The following TMEM80 variants were observed in gnomAD, a reference collection of about 807,000 sequenced individuals.
TMEM80 encodes transmembrane protein 80.
A neutral mutation model predicts 13.6 loss-of-function variants in TMEM80; 16 were observed. That is an observed-to-expected ratio of 1.17 (90% CI 0.79 to 1.78). The LOEUF (loss-of-function observed/expected upper bound fraction) is 1.78, where lower values mean the gene tolerates loss of function less well. Ranked by LOEUF, TMEM80 falls within the 40% of genes most tolerant of loss-of-function variation. The pLI, the probability that TMEM80 is intolerant of heterozygous loss-of-function variation, is 0.00. For missense variants in TMEM80, 167 were observed against 184.6 expected, an observed-to-expected ratio of 0.90 and a Z score of 0.55; for synonymous variants, 92 against 89.5, an observed-to-expected ratio of 1.03 and a Z score of -0.16.
At position 703,070 on chromosome 11, in the gene TMEM80, G is replaced by A. The variant is rs372677189; in HGVS notation, c.352G>A (p.Ala118Thr). The change falls in exon 5 of 5, where the codon GCC (alanine) becomes ACC (threonine). Residue 118 changes from alanine to threonine, a missense_variant. By Grantham distance (58) the Ala-to-Thr change is moderately conservative. Transcript: ENST00000397510. ...WQALVLWADW[A>T]LSATLLALHG... Reference sequence around the variant, plus strand: ...GGCCCTAGTGTTGTGGGCGGACTGGGCCCTCAGCGCCACGCTCCTGGCCCT... The same window carrying A: ...GGCCCTAGTGTTGTGGGCGGACTGGACCCTCAGCGCCACGCTCCTGGCCCT... 3.1e-4 allele frequency: 505 copies of A among 1,612,540 alleles called. 1 individual carries two copies. Among genetic ancestry groups the A allele is most frequent in the Non-Finnish European group, 4.0e-4 (474 of 1,179,738 alleles).
chr11:699,905 A>C (rs907733557), intron 2 of TMEM80: 1 of 536,826 alleles, frequency 1.9e-6, no homozygotes, highest in African/African-American at 1.9e-5. Context: ...CAGTGCACAG[A>C]CCGCATTGTT....
At chr11:702,246 C>T (rs372333094) in intron 4 of TMEM80, among the ~76,000 whole-genome samples, 33 of 152,262 alleles carry the variant, frequency 2.2e-4, no homozygotes, top group Admixed American at 7.2e-4. Context: ...GTCTTGTCTG[C>T]ACTTACGTCC....
At position 703,371 on chromosome 11, in the gene TMEM80, A is replaced by G; in HGVS notation, c.*221A>G. The G allele has an allele frequency of 7.2e-7, 1 of 1,391,620 alleles. No individual in the cohort carries two copies. The highest frequency in any genetic ancestry group is 1.8e-5 in the South Asian group (1 of 55,040). The allele number at this position is 1,391,620 out of a possible 1,614,324, so 86.2% of individuals were successfully genotyped here. A position where few individuals can be genotyped will look rare whatever the true frequency, so the allele number is the denominator to read the frequency against. ...TGTTGGGAACAGCTGCGGGGAGGGT[A>G]GGGACCAGACAGAACTGCCTTCAAG... On this transcript the variant is annotated 3_prime_UTR_variant, in exon 5 of 5. Transcript: ENST00000397510.
At chr11:698,253 A>T (rs7928943) in intron 1 of TMEM80, among the ~76,000 whole-genome samples, 32,281 of 151,794 alleles carry the variant, frequency 0.21, 3,925 homozygotes, top group African/African-American at 0.34. Flanking sequence ...CTCAGAATCA[A>T]AAAGGAGGAA....
chr11:698,722 G>A, intron 1 of TMEM80, 147 bp from the exon 2 acceptor site: 1 of 906,490 alleles, frequency 1.1e-6, no homozygotes, highest in Non-Finnish European at 1.8e-6. Context: ...CTATCTAGTG[G>A]CAGGCCCACG....
chr11:701,413 T>C (rs1311674333), intron 4 of TMEM80, among the ~76,000 whole-genome samples: 1 of 132,882 alleles, frequency 7.5e-6, no homozygotes, highest in African/African-American at 2.8e-5. Context: ...TTTCTTTTTT[T>C]TTTTTTTTTT....
In TMEM80 at chr11:703,796, T is replaced by C; in HGVS notation, c.*646T>C. On this transcript the variant is annotated 3_prime_UTR_variant, in exon 5 of 5. Coordinates refer to ENST00000397510, the MANE Select transcript of TMEM80 (RefSeq NM_001042463.3). ...TTCCATCTTAGCCACACTTCTCCCT[T>C]CAGGGGCTTCGGAGGAGAGGTCAGG... The C allele has an allele frequency of 8.1e-7, 1 of 1,233,218 alleles. No homozygotes were observed. Among genetic ancestry groups the C allele is most frequent in the Non-Finnish European group, 1.0e-6 (1 of 989,120 alleles). 76.4% of individuals were successfully genotyped at this position (1,233,218 alleles called of 1,614,324 possible).
chr11:699,951 G>C (rs931698107), intron 2 of TMEM80, 191 bp from the exon 3 acceptor site: 1 of 567,694 alleles, frequency 1.8e-6, no homozygotes, highest in African/African-American at 1.9e-5. Flanking sequence ...GGCCTTGTCA[G>C]CTCATGGGAC....
intron 4 of TMEM80, among the ~76,000 whole-genome samples, chr11:701,852 G>A (rs1286647097): frequency 6.6e-6 from 1 of 152,206 alleles, no homozygotes; most frequent in Non-Finnish European, 1.5e-5. Context: ...TCTTGTACAA[G>A]ATTCAAGGGG....
At position 703,604 on chromosome 11, in the gene TMEM80, G is replaced by A. The variant is rs751073769; in HGVS notation, c.*454G>A. The A allele has an allele frequency of 9.1e-5, 112 of 1,232,978 alleles. No individual in the cohort carries two copies. The highest frequency in any genetic ancestry group is 3.1e-4 in the Middle Eastern group (1 of 3,210). 76.4% of individuals were successfully genotyped at this position (1,232,978 alleles called of 1,614,324 possible). ...AGATCCCAGTTTACTCCGTGGCCAG[G>A]CCCCACCTGTGTTTCCAAGTCGGGC... On this transcript the variant is annotated 3_prime_UTR_variant, in exon 5 of 5. Coordinates refer to ENST00000397510, the MANE Select transcript of TMEM80 (RefSeq NM_001042463.3).
Position 700,177 on chromosome 11 carries a change from C to T in TMEM80, c.75C>T (p.Leu25=), listed in dbSNP as rs1861378432. The T allele has an allele frequency of 1.2e-6, 2 of 1,614,182 alleles. No homozygotes were observed. Among genetic ancestry groups the T allele is most frequent in the South Asian group, 2.2e-5 (2 of 91,070 alleles). The change falls in exon 3 of 5, where the codon CTC becomes CTT. Residue 25 remains leucine (L), a synonymous_variant. Transcript: ENST00000397510. ...SSVPLQMLFY[L]SGTYYALYFL... is the part of the protein sequence containing the mutation. ...TTCCCCTTCAAATGCTGTTTTATCT[C>T]AGCGGAACGTACTACGCCCTGTATT... is the stretch of plus-strand genomic sequence containing the variant.
Position 704,003 on chromosome 11 carries a change from T to TA in TMEM80, c.*854dup, listed in dbSNP as rs1284354953. 33 of 1,218,066 alleles carry TA rather than the reference T, an allele frequency of 2.7e-5. No individual in the cohort carries two copies. In the African/African-American group the frequency reaches 4.4e-4, roughly 16 times the overall value. 75.5% of individuals were successfully genotyped at this position (1,218,066 alleles called of 1,614,324 possible). On this transcript the variant is annotated 3_prime_UTR_variant, in exon 5 of 5. Transcript: ENST00000397510. ...TCTCCTTAAAAAGTATCTAAGCTGT[T>TA]ACAGTAGCTTTCCCTTCACTTGATT...
intron 2 of TMEM80, 47 bp downstream of exon 2, chr11:698,935 T>C: frequency 6.2e-7 from 1 of 1,612,772 alleles, no homozygotes; most frequent in Non-Finnish European, 8.5e-7. Flanking sequence ...AGGCCCGAAT[T>C]GCTGCTGCAC....
intron 4 of TMEM80, among the ~76,000 whole-genome samples, chr11:701,683 A>G (rs1171282289): frequency 6.6e-6 from 1 of 152,036 alleles, no homozygotes; most frequent in Non-Finnish European, 1.5e-5. Context: ...TGCTGGGATT[A>G]CAGGCGTGAG....
downstream of TMEM80, chr11:704,748 G>A (rs972774544): frequency 1.9e-5 from 18 of 961,572 alleles, no homozygotes; most frequent in Admixed American, 1.7e-4. Flanking sequence ...GATGGGGCCC[G>A]AGAGGCCAGC....
intron 1 of TMEM80, among the ~76,000 whole-genome samples, chr11:697,137 C>A (rs1038260384): frequency 3.1e-5 from 4 of 130,236 alleles, no homozygotes; most frequent in Non-Finnish European, 6.9e-5. Flanking sequence ...GCCTGTGGTC[C>A]CAGCTACGTG....
Position 703,946 on chromosome 11 carries a change from GT to G in TMEM80, c.*803del. On this transcript the variant is annotated 3_prime_UTR_variant, in exon 5 of 5. Coordinates refer to ENST00000397510, the MANE Select transcript of TMEM80 (RefSeq NM_001042463.3). The stretch of plus-strand genomic sequence containing the variant: ...AGTGCTAAACAAATTCTAGCTCTGT[GT>G]TTTTTTCCCATTCCCAGATTTACTA... 1 of 1,242,896 alleles carries G rather than the reference GT, an allele frequency of 8.0e-7. No individual in the cohort carries two copies. The highest frequency in any genetic ancestry group is 3.9e-5 in the South Asian group (1 of 25,862). 77.0% of individuals were successfully genotyped at this position (1,242,896 alleles called of 1,614,324 possible).
chr11:700,150 AG>A lies in TMEM80; in HGVS notation c.49del (p.Val17PhefsTer23). 1 of 1,614,078 alleles carries A rather than the reference AG, an allele frequency of 6.2e-7. No homozygotes were observed. The highest frequency in any genetic ancestry group is 8.5e-7 in the Non-Finnish European group (1 of 1,179,966). ...GRGSSTVLSS[V>X]PLQMLFYLSG... ...CCTTAACCACTCACCAGCTCTCTTCAGTTCCCCTTCAAATGCTGTTTTATCT... is the reference window on the plus strand; with the variant it reads ...CCTTAACCACTCACCAGCTCTCTTCATTCCCCTTCAAATGCTGTTTTATCT... On this transcript the variant is annotated frameshift_variant, in exon 3 of 5. Transcript: ENST00000397510. LOFTEE classifies it high-confidence loss of function.
downstream of TMEM80, chr11:704,712 G>A (rs966314295): frequency 9.0e-6 from 11 of 1,218,568 alleles, no homozygotes; most frequent in South Asian, 3.9e-5. Flanking sequence ...CACAGGGAAC[G>A]CCATGGCTCC....
Sources: gnomAD v4.1 joint callset for allele counts (sites outside exome capture counted in the v4.1 genomes callset) on GRCh38, gnomAD v4.1.1 for gene constraint, MANE v1.5 for transcripts, NCBI Gene and HGNC (gene_info 2026-07-23, HGNC 2026-07-21) for gene names.